The following GLYCTK variants were observed in gnomAD, a reference collection of about 807,000 sequenced individuals.
GLYCTK encodes the protein HBeAg binding protein 4.
Under a neutral mutation model 24.8 loss-of-function variants are expected in GLYCTK, and 22 were observed. The ratio of observed to expected loss-of-function variants is 0.89; its 90% CI spans 0.63 to 1.27. The LOEUF (loss-of-function observed/expected upper bound fraction) is 1.27, where lower values mean the gene tolerates loss of function less well. GLYCTK is among the 50% of genes most tolerant of loss of function. The probability of loss-of-function intolerance (pLI) is 0.00; values close to 1 mark genes in which losing one functional copy is unlikely to be tolerated. For synonymous variants in GLYCTK, 320 were observed against 297.2 expected, an observed-to-expected ratio of 1.08 and a Z score of -0.79; for missense variants, 684 against 686.7, an observed-to-expected ratio of 1.00 and a Z score of 0.04.
Position 52,290,441 on chromosome 3 carries a change from C to T in GLYCTK, c.99C>T (p.Ala33=). The change falls in exon 2 of 5, where the codon GCC becomes GCT. Residue 33 remains alanine, a synonymous_variant. Coordinates refer to ENST00000436784, the MANE Select transcript of GLYCTK (RefSeq NM_145262.4). ...TGGCCCGTCTGGCCAGCAGCATGGCCTTGGCAGAGCAGGCCAGGCAGCTGT... is the reference window on the plus strand; with the variant it reads ...TGGCCCGTCTGGCCAGCAGCATGGCTTTGGCAGAGCAGGCCAGGCAGCTGT... ...GSVARLASSM[A]LAEQARQLFE... is the part of the protein sequence containing the mutation. The T allele has an allele frequency of 6.2e-7, 1 of 1,612,278 alleles. No homozygotes were observed. The highest frequency in any genetic ancestry group is 8.5e-7 in the Non-Finnish European group (1 of 1,180,014).
chr3:52,295,248 G>GATC lies in GLYCTK; in HGVS notation c.*2125_*2127dup. 2.3e-6 allele frequency: 1 copy of GATC among 439,678 alleles called. No homozygotes were observed. Among genetic ancestry groups the GATC allele is most frequent in the Non-Finnish European group, 4.6e-6 (1 of 216,472 alleles). 27.2% of individuals were successfully genotyped at this position (439,678 alleles called of 1,614,324 possible). On this transcript the variant is annotated 3_prime_UTR_variant, in exon 5 of 5. Coordinates refer to ENST00000436784, the MANE Select transcript of GLYCTK (RefSeq NM_145262.4). ...ACTTGCTCCATAAATGTCAATTTTG[G>GATC]ATCATTGAAGTGCCCGTCCCTTGCT...
chr3:52,293,731 C>T lies in GLYCTK; in HGVS notation c.*605C>T, dbSNP rs138836181. ...CCAGGGAGGACAGGCCTAAAGACTGCAGTCTGGGGTGACCAGCCACCCACC... is the reference window on the plus strand; with the variant it reads ...CCAGGGAGGACAGGCCTAAAGACTGTAGTCTGGGGTGACCAGCCACCCACC... On this transcript the variant is annotated 3_prime_UTR_variant, in exon 5 of 5. Transcript: ENST00000436784. 32 of 453,990 alleles carry T rather than the reference C, an allele frequency of 7.0e-5. No individual in the cohort carries two copies. The highest frequency in any genetic ancestry group is 5.8e-4 in the African/African-American group (29 of 50,118). 28.1% of individuals were successfully genotyped at this position (453,990 alleles called of 1,614,324 possible).
Position 52,292,459 on chromosome 3 carries a change from G to T in GLYCTK, c.905G>T (p.Gly302Val). 1 of 1,613,020 alleles carries T rather than the reference G, an allele frequency of 6.2e-7. No individual in the cohort carries two copies. The highest frequency in any genetic ancestry group is 8.5e-7 in the Non-Finnish European group (1 of 1,179,746). ...GACCCCCATGGGCCACACACCTGTGGCCATGTCCTGAATGTGATCATTGGC... is the reference window on the plus strand; with the variant it reads ...GACCCCCATGGGCCACACACCTGTGTCCATGTCCTGAATGTGATCATTGGC... ...DSDPHGPHTC[G>V]HVLNVIIGSN... is the part of the protein sequence containing the mutation. Residue 302 changes from glycine to valine, a missense_variant, in exon 5 of 5, where the codon GGC becomes GTC. By Grantham distance (109) the Gly-to-Val change is moderately radical. Coordinates refer to ENST00000436784, the MANE Select transcript of GLYCTK (RefSeq NM_145262.4).
chr3:52,291,771 C>T lies in GLYCTK; in HGVS notation c.554C>T (p.Ala185Val). The change falls in exon 4 of 5, where the codon GCC becomes GTC. Residue 185 changes from alanine (A) to valine (V), a missense_variant. Coordinates refer to ENST00000436784, the MANE Select transcript of GLYCTK (RefSeq NM_145262.4). ...GGTGGGGGTTCAGCTCTGCTGCCTG[C>T]CCCCATCCCACCTGTCACACTGGAG... ...ISGGGSALLP[A>V]PIPPVTLEEK... 2.5e-6 allele frequency: 4 copies of T among 1,613,538 alleles called. No homozygotes were observed. Among genetic ancestry groups the T allele is most frequent in the Non-Finnish European group, 3.4e-6 (4 of 1,179,898 alleles).
In GLYCTK at chr3:52,294,168, G is replaced by C. The variant is rs551924797; in HGVS notation, c.*1042G>C. 3.7e-6 allele frequency: 2 copies of C among 533,434 alleles called. No homozygotes were observed. The highest frequency in any genetic ancestry group is 3.9e-5 in the Admixed American group (2 of 51,602). 33.0% of individuals were successfully genotyped at this position (533,434 alleles called of 1,614,324 possible). A position where few individuals can be genotyped will look rare whatever the true frequency, so the allele number is the denominator to read the frequency against. ...TGGGTTGAGAGAGGGAGGTGCCACT[G>C]TCCTGCCTCCTTTTGAGCCCCCTTG... On this transcript the variant is annotated 3_prime_UTR_variant, in exon 5 of 5. Transcript: ENST00000436784.
rs752825189 is a variant in GLYCTK, at chr3:52,292,539, C to T, written c.985C>T (p.Gln329Ter). The change falls in exon 5 of 5, where the codon CAG (glutamine) becomes TAG (stop). Residue 329 changes from glutamine (Q) to a stop codon, truncating the protein, a stop_gained. Transcript: ENST00000436784. LOFTEE classifies it low-confidence loss of function (END_TRUNC). ...AQRQAEALGY[Q>*]AVVLSAAMQG... ...GCGGCAGGCCGAGGCACTGGGCTACCAGGCTGTGGTGCTGAGTGCAGCCAT... is the reference window on the plus strand; with the variant it reads ...GCGGCAGGCCGAGGCACTGGGCTACTAGGCTGTGGTGCTGAGTGCAGCCAT... 1 of 1,613,912 alleles carries T rather than the reference C, an allele frequency of 6.2e-7. No homozygotes were observed. Among genetic ancestry groups the T allele is most frequent in the African/African-American group, 1.3e-5 (1 of 75,050 alleles).
Position 52,290,612 on chromosome 3 carries a change from G to A in GLYCTK, c.270G>A (p.Val90=), listed in dbSNP as rs1559464074. 6.2e-7 allele frequency: 1 copy of A among 1,613,984 alleles called. No homozygotes were observed. Among genetic ancestry groups the A allele is most frequent in the South Asian group, 1.1e-5 (1 of 91,088 alleles). The change falls in exon 2 of 5, where the codon GTG becomes GTA. Residue 90 remains valine, a synonymous_variant. Coordinates refer to ENST00000436784, the MANE Select transcript of GLYCTK (RefSeq NM_145262.4). ...ACCTGGTGGGCTTTGGCAAGGCTGTGCTGGGTATGGCAGCTGCAGCTGAGG... is the reference window on the plus strand; with the variant it reads ...ACCTGGTGGGCTTTGGCAAGGCTGTACTGGGTATGGCAGCTGCAGCTGAGG... The part of the protein sequence containing the change: ...NLYLVGFGKA[V]LGMAAAAEEL...
chr3:52,293,004 C>G lies in GLYCTK; in HGVS notation c.1450C>G (p.Leu484Val). The G allele has an allele frequency of 1.2e-6, 2 of 1,614,198 alleles. No homozygotes were observed. The highest frequency in any genetic ancestry group is 1.7e-6 in the Non-Finnish European group (2 of 1,180,024). ...TGAGGGCCTGGACATAGCCACCTTC[C>G]TAGCCCACAATGACTCACATACCTT... ...AAEGLDIATF[L>V]AHNDSHTFFC... Residue 484 changes from leucine (L) to valine (V), a missense_variant, in exon 5 of 5, where the codon CTA (leucine) becomes GTA (valine). Coordinates refer to ENST00000436784, the MANE Select transcript of GLYCTK (RefSeq NM_145262.4).
Position 52,291,823 on chromosome 3 carries a change from G to A in GLYCTK, c.606G>A (p.Leu202=). ...AGAAGCAGACACTCACTAGACTGCT[G>A]GCAGCCCGTGGAGCCACCATCCAGG... ...LEEKQTLTRL[L]AARGATIQEL... Residue 202 remains leucine, a synonymous_variant, in exon 4 of 5, where the codon CTG becomes CTA. Coordinates refer to ENST00000436784, the MANE Select transcript of GLYCTK (RefSeq NM_145262.4). The A allele has an allele frequency of 6.2e-7, 1 of 1,613,878 alleles. No individual in the cohort carries two copies. Among genetic ancestry groups the A allele is most frequent in the Non-Finnish European group, 8.5e-7 (1 of 1,179,982 alleles).
chr3:52,292,388 A>G lies in GLYCTK; in HGVS notation c.834A>G (p.Ala278=), dbSNP rs749386871. The G allele has an allele frequency of 1.2e-6, 2 of 1,613,940 alleles. No individual in the cohort carries two copies. The highest frequency in any genetic ancestry group is 1.7e-6 in the Non-Finnish European group (2 of 1,179,998). The change falls in exon 5 of 5, where the codon GCA becomes GCG. Residue 278 remains alanine, a synonymous_variant. Coordinates refer to ENST00000436784, the MANE Select transcript of GLYCTK (RefSeq NM_145262.4). Reference sequence around the variant, plus strand: ...TCCTCAATCGCTACGGCCTCCGTGCAGCCCTGCCACGTTCTGTGAAGACTG... The same window carrying G: ...TCCTCAATCGCTACGGCCTCCGTGCGGCCCTGCCACGTTCTGTGAAGACTG... The part of the protein sequence containing the change: ...LHILNRYGLR[A]ALPRSVKTVL...
At position 52,293,214 on chromosome 3, in the gene GLYCTK, A is replaced by T; in HGVS notation, c.*88A>T. The T allele has an allele frequency of 7.4e-7, 1 of 1,359,042 alleles. No homozygotes were observed. The highest frequency in any genetic ancestry group is 1.0e-6 in the Non-Finnish European group (1 of 965,636). 84.2% of individuals were successfully genotyped at this position (1,359,042 alleles called of 1,614,324 possible). A position where few individuals can be genotyped will look rare whatever the true frequency, so the allele number is the denominator to read the frequency against. ...CAAGGTTGGTCCTCAGGGCCTCTCT[A>T]AGCCTTAGGGCCCCTCCTCTCCTTG... On this transcript the variant is annotated 3_prime_UTR_variant, in exon 5 of 5. Coordinates refer to ENST00000436784, the MANE Select transcript of GLYCTK (RefSeq NM_145262.4).
intron 2 of GLYCTK, 48 bp downstream of exon 2, chr3:52,290,767 C>G (rs765241609): frequency 6.3e-7 from 1 of 1,599,368 alleles, no homozygotes. Context: ...TGGAGGGAAA[C>G]CTGGGCCCAG....
rs1307626821 is a variant in GLYCTK, at chr3:52,290,436, A to G, written c.94A>G (p.Met32Val). The G allele has an allele frequency of 1.9e-6, 3 of 1,612,060 alleles. No homozygotes were observed. The highest frequency in any genetic ancestry group is 1.1e-5 in the South Asian group (1 of 91,084). Residue 32 changes from methionine (M) to valine (V), a missense_variant, in exon 2 of 5, where the codon ATG becomes GTG. Transcript: ENST00000436784. ...RGSVARLASS[M>V]ALAEQARQLF... ...CTCAGTGGCCCGTCTGGCCAGCAGC[A>G]TGGCCTTGGCAGAGCAGGCCAGGCA...
chr3:52,295,198 A>G lies in GLYCTK; in HGVS notation c.*2072A>G, dbSNP rs770392002. The G allele has an allele frequency of 1.3e-5, 6 of 453,240 alleles. No individual in the cohort carries two copies. The highest frequency in any genetic ancestry group is 4.7e-5 in the South Asian group (3 of 64,402). The allele number at this position is 453,240 out of a possible 1,614,324, so 28.1% of individuals were successfully genotyped here. On this transcript the variant is annotated 3_prime_UTR_variant, in exon 5 of 5. Coordinates refer to ENST00000436784, the MANE Select transcript of GLYCTK (RefSeq NM_145262.4). The stretch of plus-strand genomic sequence containing the variant: ...ATGCTGAGATGAGAAAACCCTGCAC[A>G]GTGAATGTTTTGATAGGATTCATTA...
At chr3:52,288,008 A>G (rs1450689442) in intron 1 of GLYCTK, 132 bp downstream of exon 1, 3 of 334,456 alleles carry the variant, frequency 9.0e-6, no homozygotes, top group African/African-American at 4.4e-5. Context: ...TTCCCTCGCT[A>G]AGGCCCTACC....
chr3:52,293,076 A>T lies in GLYCTK; in HGVS notation c.1522A>T (p.Thr508Ser). The stretch of plus-strand genomic sequence containing the variant: ...GGCACACCTGCTGCACACAGGGATG[A>T]CAGGTACCAATGTCATGGACACCCA... ...GGAHLLHTGM[T>S]GTNVMDTHLL... The change falls in exon 5 of 5, where the codon ACA (threonine) becomes TCA (serine). Residue 508 changes from threonine to serine, a missense_variant. Coordinates refer to ENST00000436784, the MANE Select transcript of GLYCTK (RefSeq NM_145262.4). 2.5e-6 allele frequency: 4 copies of T among 1,614,082 alleles called. No individual in the cohort carries two copies. The highest frequency in any genetic ancestry group is 3.4e-6 in the Non-Finnish European group (4 of 1,180,034).
At chr3:52,291,300 A>T (rs1700461611) in intron 3 of GLYCTK, 189 bp downstream of exon 3, 1 of 673,352 alleles carries the variant, frequency 1.5e-6, no homozygotes, top group African/African-American at 1.8e-5. Context: ...TGAGCTGTGG[A>T]GTCCTCCCCC....
chr3:52,295,014 C>A lies in GLYCTK; in HGVS notation c.*1888C>A, dbSNP rs1375089929. ...AGGATCTTGCAGGAGGTTCCCCCTG[C>A]TCTACATTGACCCCTTCCCTATACT... is the stretch of plus-strand genomic sequence containing the variant. On this transcript the variant is annotated 3_prime_UTR_variant, in exon 5 of 5. Transcript: ENST00000436784. 1.1e-5 allele frequency: 5 copies of A among 454,044 alleles called. No individual in the cohort carries two copies. Among genetic ancestry groups the A allele is most frequent in the South Asian group, 7.8e-5 (5 of 64,474 alleles). 28.1% of individuals were successfully genotyped at this position (454,044 alleles called of 1,614,324 possible).
Position 52,291,925 on chromosome 3 carries a change from A to G in GLYCTK, c.705+3A>G, listed in dbSNP as rs199697098. ...CTCAGGCCGCCTACCCTGCCCAGGT[A>G]TGAGTCCCTTCTTCCCCAGGCAACC... On this transcript the variant is annotated splice_donor_region_variant and intron_variant, in intron 4 of 4. Transcript: ENST00000436784. The G allele has an allele frequency of 1.2e-5, 20 of 1,610,814 alleles. No individual in the cohort carries two copies. The highest frequency in any genetic ancestry group is 1.7e-5 in the Non-Finnish European group (20 of 1,178,234).
Sources: gnomAD v4.1 joint callset for allele counts on GRCh38, gnomAD v4.1.1 for gene constraint, MANE v1.5 for transcripts, NCBI Gene and HGNC (gene_info 2026-07-23, HGNC 2026-07-21) for gene names.